Variants in SLC16A10 observed in about 807,000 individuals in gnomAD.
The protein encoded by SLC16A10 is solute carrier family 16 member 10, also known as monocarboxylate transporter 10.
SLC16A10 carries 27 observed loss-of-function variants against 40.0 expected under a neutral mutation model. That is an observed-to-expected ratio of 0.67 (90% CI 0.50 to 0.93). The LOEUF is 0.93. Among genes scored for constraint, SLC16A10 ranks in the 40% least tolerant of loss-of-function variants. The pLI is 0.00. For synonymous variants in SLC16A10, 213 were observed against 249.8 expected (o/e 0.85, Z 1.39); for missense variants, 529 against 658.2 (o/e 0.80, Z 2.15).
intron 1 of SLC16A10, 31 bp from the exon 2 acceptor site, chr6:111,172,664 A>C: frequency 6.2e-7 from 1 of 1,603,158 alleles, no homozygotes; most frequent in Non-Finnish European, 8.5e-7. Context: ...ACCATGTCAT[A>C]ATTCCCCCCA....
chr6:111,165,951 C>A (rs940307978), intron 1 of SLC16A10, among the ~76,000 whole-genome samples: 1 of 152,110 alleles, frequency 6.6e-6, no homozygotes, highest in African/African-American at 2.4e-5. Context: ...AAGATGGAGA[C>A]CTTATTCAGT....
At chr6:111,191,813 G>A (rs1394363372) in intron 3 of SLC16A10, among the ~76,000 whole-genome samples, 1 of 152,094 alleles carries the variant, frequency 6.6e-6, no homozygotes, top group Non-Finnish European at 1.5e-5. Context: ...CTGCAAAAAT[G>A]TCTTCTTTTG....
At chr6:111,172,941 C>T in intron 2 of SLC16A10, 102 bp downstream of exon 2, 1 of 1,426,534 alleles carries the variant, frequency 7.0e-7, no homozygotes, top group Non-Finnish European at 9.5e-7. Flanking sequence ...TCCTCCTTTT[C>T]ATTTTTTAAA....
chr6:111,100,305 A>G (rs1771151470), intron 1 of SLC16A10, among the ~76,000 whole-genome samples: 1 of 152,184 alleles, frequency 6.6e-6, no homozygotes, highest in Admixed American at 6.5e-5. Flanking sequence ...TGTCTACTTG[A>G]ATTTAAATAA....
chr6:111,151,446 ATCAC>A (rs1370146957), intron 1 of SLC16A10, among the ~76,000 whole-genome samples: 1 of 152,150 alleles, frequency 6.6e-6, no homozygotes, highest in Non-Finnish European at 1.5e-5. Flanking sequence ...TGTTGATTTC[ATCAC>A]TCACATCTCT....
chr6:111,095,145 C>G (rs1216930206), intron 1 of SLC16A10, among the ~76,000 whole-genome samples: 1 of 152,246 alleles, frequency 6.6e-6, no homozygotes, highest in African/African-American at 2.4e-5. Flanking sequence ...GCCCTCTAGC[C>G]TTGCCCCTGC....
chr6:111,111,091 C>G (rs546266603), intron 1 of SLC16A10, among the ~76,000 whole-genome samples: 1 of 152,206 alleles, frequency 6.6e-6, no homozygotes, highest in African/African-American at 2.4e-5. Context: ...GCAGTCTGCT[C>G]TAATACCCTC....
chr6:111,111,162 A>G (rs2114458065), intron 1 of SLC16A10, among the ~76,000 whole-genome samples: 1 of 152,334 alleles, frequency 6.6e-6, no homozygotes, highest in East Asian at 1.9e-4. Flanking sequence ...TAAATTTACC[A>G]AAAGGGCAAA....
intron 3 of SLC16A10, among the ~76,000 whole-genome samples, chr6:111,202,153 G>A (rs1202289513): frequency 6.6e-6 from 1 of 152,214 alleles, no homozygotes; most frequent in African/African-American, 2.4e-5. Context: ...TGAGGGGAAA[G>A]TAACCGGCCT....
chr6:111,183,253 C>G (rs186166752), intron 3 of SLC16A10, among the ~76,000 whole-genome samples: 1 of 152,314 alleles, frequency 6.6e-6, no homozygotes, highest in East Asian at 1.9e-4. Context: ...TTCCTGCGTC[C>G]CTTTTCCCCT....
At chr6:111,101,090 G>T (rs1226201201) in intron 1 of SLC16A10, among the ~76,000 whole-genome samples, 3 of 150,240 alleles carry the variant, frequency 2.0e-5, no homozygotes, top group African/African-American at 4.9e-5. Flanking sequence ...GAGTGCAGTG[G>T]TGGGATCATG....
intron 1 of SLC16A10, among the ~76,000 whole-genome samples, chr6:111,156,097 T>C (rs1333812363): frequency 1.3e-5 from 2 of 152,130 alleles, no homozygotes; most frequent in Non-Finnish European, 1.5e-5. Context: ...GCCAACAAAA[T>C]GAAGAAGTAT....
intron 1 of SLC16A10, among the ~76,000 whole-genome samples, chr6:111,148,680 A>G (rs1291085163): frequency 6.6e-6 from 1 of 152,230 alleles, no homozygotes; most frequent in East Asian, 1.9e-4. Context: ...CTCCTGGTGG[A>G]CAGTGTGTAA....
At chr6:111,180,038 A>G (rs1583347492) in intron 3 of SLC16A10, among the ~76,000 whole-genome samples, 1 of 152,358 alleles carries the variant, frequency 6.6e-6, no homozygotes, top group Admixed American at 6.5e-5. Flanking sequence ...TTCAATTCCT[A>G]CTAAACCCTT....
In SLC16A10 at chr6:111,088,337, T is replaced by TA. The variant is rs35418920; in HGVS notation, c.343+243dup. ...GTGTTTGCAAGCAGGTCGCAGAACT[T>TA]ACTTGCCGAGATCGTCCTCCTTTCC... On this transcript the variant is annotated intron_variant, in intron 1 of 5. Transcript: ENST00000368851. 3.9e-5 allele frequency among the ~76,000 whole-genome samples: 6 copies of TA among 152,306 alleles called. No individual in the cohort carries two copies. In the South Asian group the frequency reaches 6.2e-4, roughly 16 times the overall value.
intron 5 of SLC16A10, among the ~76,000 whole-genome samples, chr6:111,220,552 T>C (rs1770870379): frequency 6.6e-6 from 1 of 152,206 alleles, no homozygotes; most frequent in Admixed American, 6.5e-5. Flanking sequence ...GTATTCCTAG[T>C]CATGAATCAA....
rs148935737 is a variant in SLC16A10, at chr6:111,150,353, C to T, written c.344-22342C>T. Among the ~76,000 whole-genome samples the T allele has an allele frequency of 5.7e-3, 867 of 152,308 alleles. 5 individuals carry two copies. The highest frequency in any genetic ancestry group is 9.2e-3 in the Non-Finnish European group (629 of 68,030). The stretch of plus-strand genomic sequence containing the variant: ...ATAAAAGTTTTTTCTTTATAAATTA[C>T]CCAGTCTCTGGTATTCTGTTATGGC... On this transcript the variant is annotated intron_variant, in intron 1 of 5. Transcript: ENST00000368851.
intron 1 of SLC16A10, among the ~76,000 whole-genome samples, chr6:111,158,895 G>T (rs1404095969): frequency 6.6e-6 from 1 of 151,732 alleles, no homozygotes; most frequent in Non-Finnish European, 1.5e-5. Context: ...AGACCAGCCT[G>T]AGCTATAAGG....
chr6:111,140,137 A>G (rs757003650), intron 1 of SLC16A10, among the ~76,000 whole-genome samples: 1 of 152,212 alleles, frequency 6.6e-6, no homozygotes, highest in Non-Finnish European at 1.5e-5. Flanking sequence ...AAACCTTCAC[A>G]TGTACCCCTA....
Sources: gnomAD v4.1 joint callset for allele counts (sites outside exome capture counted in the v4.1 genomes callset) on GRCh38, gnomAD v4.1.1 for gene constraint, MANE v1.5 for transcripts, NCBI Gene and HGNC (gene_info 2026-07-23, HGNC 2026-07-21) for gene names.